PCDHGB2: variants seen among roughly 807,000 people sequenced by gnomAD.
PCDHGB2 encodes protocadherin gamma-B2.
In PCDHGB2, 55 loss-of-function variants were observed where a neutral mutation model predicts 59.3. That is an observed-to-expected ratio of 0.93 (90% CI 0.75 to 1.16). The LOEUF (loss-of-function observed/expected upper bound fraction) is 1.16. Ranked by LOEUF, PCDHGB2 falls within the 50% of genes most tolerant of loss-of-function variation. PCDHGB2 has a pLI of 0.00. For synonymous variants in PCDHGB2, 516 were observed against 512.0 expected (o/e 1.01, Z -0.11); for missense variants, 1,228 against 1,198.5 (o/e 1.02, Z -0.36).
Position 141,362,304 on chromosome 5 carries a change from T to C in PCDHGB2, c.2169T>C (p.Ala723=). The part of the protein sequence containing the change: ...LRLRLSSRSD[A]WDCFQPGLSS... ...TGCGACTCTCTTCCAGGTCAGATGCTTGGGACTGTTTTCAGCCTGGTCTCA... is the reference window on the plus strand; with the variant it reads ...TGCGACTCTCTTCCAGGTCAGATGCCTGGGACTGTTTTCAGCCTGGTCTCA... Residue 723 remains alanine (A), a synonymous_variant, in exon 1 of 4, where the codon GCT becomes GCC. Transcript: ENST00000522605. 1 of 1,614,082 alleles carries C rather than the reference T, an allele frequency of 6.2e-7. No individual in the cohort carries two copies. The highest frequency in any genetic ancestry group is 8.5e-7 in the Non-Finnish European group (1 of 1,179,896).
At chr5:141,399,511 C>T in intron 1 of PCDHGB2, 1 of 1,614,042 alleles carries the variant, frequency 6.2e-7, no homozygotes, top group Non-Finnish European at 8.5e-7. Context: ...CGAAAACAAC[C>T]CTCCTGGGGC....
At chr5:141,424,245 A>T (rs1196753393) in intron 1 of PCDHGB2, 3 of 155,310 alleles carry the variant, frequency 1.9e-5, no homozygotes, top group African/African-American at 7.2e-5. Context: ...GGTGGCTGGT[A>T]ATATGCTTAG....
At chr5:141,465,730 T>G (rs1373873081) in intron 1 of PCDHGB2, among the ~76,000 whole-genome samples, 2 of 152,186 alleles carry the variant, frequency 1.3e-5, no homozygotes, top group Non-Finnish European at 2.9e-5. Context: ...CCTCTTGTGC[T>G]TTGTTTTCAG....
At chr5:141,474,998 T>C (rs1029967243) in intron 1 of PCDHGB2, among the ~76,000 whole-genome samples, 1 of 152,260 alleles carries the variant, frequency 6.6e-6, no homozygotes, top group Non-Finnish European at 1.5e-5. Context: ...CAATTCTAAA[T>C]GCAGAAAAGT....
chr5:141,366,145 CT>C, intron 1 of PCDHGB2: 1 of 1,614,192 alleles, frequency 6.2e-7, no homozygotes, highest in East Asian at 2.2e-5. Flanking sequence ...CCTGGCTGTC[CT>C]ACCGCCTGCT....
chr5:141,380,086 G>T (rs1776198648), intron 1 of PCDHGB2, among the ~76,000 whole-genome samples: 1 of 151,828 alleles, frequency 6.6e-6, no homozygotes. Flanking sequence ...TTTTAGTAGA[G>T]ATGGGGTTTT....
In PCDHGB2 at chr5:141,415,757, T is replaced by G. The variant is rs765276447; in HGVS notation, c.2421+53201T>G. The G allele has an allele frequency of 5.6e-3, 7,497 of 1,346,942 alleles. 12 individuals are homozygous for G. The highest frequency in any genetic ancestry group is 0.012 in the East Asian group (422 of 35,004). The allele number at this position is 1,346,942 out of a possible 1,614,324, so 83.4% of individuals were successfully genotyped here. A position where few individuals can be genotyped will look rare whatever the true frequency, so the allele number is the denominator to read the frequency against. ...TTATTAAGGTTTTTTTTTTTTTTTT[T>G]TTTTTTTTTTTTTTTACTTTCTGGT... On this transcript the variant is annotated intron_variant, in intron 1 of 3. Coordinates refer to ENST00000522605, the MANE Select transcript of PCDHGB2 (RefSeq NM_018923.3).
chr5:141,413,391 C>T lies in PCDHGB2; in HGVS notation c.2421+50835C>T, dbSNP rs375582894. ...CGGAGCGCGGAGTCCGCATAGTCTC[C>T]AGAGGTAGGACGCAGCTTTTCTCTC... On this transcript the variant is annotated intron_variant, in intron 1 of 3. Transcript: ENST00000522605. The T allele has an allele frequency of 1.2e-5, 19 of 1,613,902 alleles. No homozygotes were observed. In the African/African-American group the frequency reaches 2.4e-4, roughly 20 times the overall value.
In PCDHGB2 at chr5:141,489,574, C is replaced by T. The variant is rs963768096; in HGVS notation, c.2422-5233C>T. The T allele has an allele frequency of 2.5e-6, 4 of 1,613,978 alleles. No homozygotes were observed. The highest frequency in any genetic ancestry group is 3.4e-6 in the Non-Finnish European group (4 of 1,180,014). ...GCTGCCAGTGCAGGTGGTGACTGAA[C>T]ACCCCCTGGAGCTAATCCGTGTAGA... On this transcript the variant is annotated intron_variant, in intron 1 of 3. Coordinates refer to ENST00000522605, the MANE Select transcript of PCDHGB2 (RefSeq NM_018923.3). This position sits in a 1 kb window ranked among gnomAD's most constrained non-coding sequence, Gnocchi z 4.5.
Position 141,360,035 on chromosome 5 carries a change from G to T in PCDHGB2, c.-101G>T. On this transcript the variant is annotated 5_prime_UTR_variant, in exon 1 of 4. Coordinates refer to ENST00000522605, the MANE Select transcript of PCDHGB2 (RefSeq NM_018923.3). ...CACAGAGAAGGCCAGTATAGATTCGGAAACAGAAAACAAAAGCAGGAAAAG... is the reference window on the plus strand; with the variant it reads ...CACAGAGAAGGCCAGTATAGATTCGTAAACAGAAAACAAAAGCAGGAAAAG... 9.2e-6 allele frequency: 13 copies of T among 1,406,270 alleles called. No homozygotes were observed. The highest frequency in any genetic ancestry group is 1.2e-5 in the Non-Finnish European group (13 of 1,063,250). 87.1% of individuals were successfully genotyped at this position (1,406,270 alleles called of 1,614,324 possible). A position where few individuals can be genotyped will look rare whatever the true frequency, so the allele number is the denominator to read the frequency against.
chr5:141,494,441 C>T (rs1187169994), intron 1 of PCDHGB2, among the ~76,000 whole-genome samples: 2 of 152,154 alleles, frequency 1.3e-5, no homozygotes, highest in African/African-American at 4.8e-5. Context: ...TCCTTTGCCA[C>T]TTTAGGGGGC....
chr5:141,374,178 G>C (rs1268452204), intron 1 of PCDHGB2: 2 of 1,613,614 alleles, frequency 1.2e-6, no homozygotes, highest in East Asian at 2.2e-5. Flanking sequence ...GCGCAGATCC[G>C]CTACTCTATT....
intron 1 of PCDHGB2, among the ~76,000 whole-genome samples, chr5:141,473,017 AGAAG>A (rs1484773075): frequency 7.0e-4 from 107 of 151,874 alleles, no homozygotes; most frequent in Middle Eastern, 3.4e-3. Flanking sequence ...AGAAAAAGAA[AGAAG>A]GAAGGAAGGA....
intron 1 of PCDHGB2, chr5:141,392,912 C>T: frequency 6.2e-7 from 1 of 1,613,908 alleles, no homozygotes; most frequent in South Asian, 1.1e-5. Context: ...AGATTCGCTA[C>T]TCTGTGCCAG....
At chr5:141,421,444 A>T in intron 1 of PCDHGB2, 1 of 1,614,020 alleles carries the variant, frequency 6.2e-7, no homozygotes, top group Non-Finnish European at 8.5e-7. Flanking sequence ...CAGAGGGAAG[A>T]CACAGCTTTT....
chr5:141,509,068 G>T (rs1267011061), intron 3 of PCDHGB2, among the ~76,000 whole-genome samples: 1 of 152,144 alleles, frequency 6.6e-6, no homozygotes, highest in Non-Finnish European at 1.5e-5. Context: ...TCTCAGCTCC[G>T]GGGATTTGCG....
At chr5:141,420,945 G>C in intron 1 of PCDHGB2, 1 of 396,520 alleles carries the variant, frequency 2.5e-6, no homozygotes, top group South Asian at 5.1e-5. Flanking sequence ...ATTTCTTCTG[G>C]AATTTCTTAG....
intron 1 of PCDHGB2, chr5:141,377,467 A>C (rs1170946460): frequency 6.6e-6 from 1 of 152,194 alleles, no homozygotes; most frequent in South Asian, 2.1e-4. Context: ...TGTGTGGCGT[A>C]CACCTGTAGT....
At position 141,489,300 on chromosome 5, in the gene PCDHGB2, C is replaced by T; in HGVS notation, c.2422-5507C>T. 1 of 1,585,700 alleles carries T rather than the reference C, an allele frequency of 6.3e-7. No individual in the cohort carries two copies. The highest frequency in any genetic ancestry group is 1.3e-5 in the African/African-American group (1 of 74,388). On this transcript the variant is annotated intron_variant, in intron 1 of 3. Coordinates refer to ENST00000522605, the MANE Select transcript of PCDHGB2 (RefSeq NM_018923.3). This position sits in a 1 kb window ranked among gnomAD's most constrained non-coding sequence, Gnocchi z 4.5. The stretch of plus-strand genomic sequence containing the variant: ...AATGGCAAGTGCTGTGCATGTTGTC[C>T]TTGTGCTGCTGGGGCTGGGTGTCTG...
Sources: allele counts gnomAD v4.1 joint callset (sites outside exome capture counted in the v4.1 genomes callset), GRCh38; gene constraint gnomAD v4.1.1; non-coding constraint Gnocchi (gnomAD v3.1); transcripts MANE v1.5; gene names NCBI Gene and HGNC (gene_info 2026-07-23, HGNC 2026-07-21).